NAV3: variants seen among roughly 807,000 people sequenced by gnomAD.
The protein encoded by NAV3 is neuron navigator 3.
A neutral mutation model predicts 244.7 loss-of-function variants in NAV3; 87 were observed. The observed-to-expected ratio is 0.36, with a 90% CI of 0.30 to 0.42. The LOEUF (loss-of-function observed/expected upper bound fraction) is 0.42. Among genes scored for constraint, NAV3 ranks in the 20% least tolerant of loss-of-function variants. The pLI is 1.00. For missense variants in NAV3, 2,663 were observed against 2,893.3 expected (o/e 0.92, Z 1.83); for synonymous variants, 1,126 against 1,042.2 (o/e 1.08, Z -1.55).
At chr12:78,206,492 G>GAACAAA (rs1960319961) in intron 39 of NAV3, among the ~76,000 whole-genome samples, 4 of 152,138 alleles carry the variant, frequency 2.6e-5, no homozygotes. Flanking sequence ...AAGGAGAGGT[G>GAACAAA]TTTATAAGAT....
At position 77,899,211 on chromosome 12, in the gene NAV3, A is replaced by G. The variant is rs1449232760; in HGVS notation, c.244-41108A>G. On this transcript the variant is annotated intron_variant, in intron 1 of 39. Coordinates refer to ENST00000397909, the MANE Select transcript of NAV3 (RefSeq NM_001024383.2). ...TGACAAAAAGGATTTACAGTATTAT[A>G]TAACTTAGTTGATAAAGCAGCAGCA... 2.6e-5 allele frequency among the ~76,000 whole-genome samples: 4 copies of G among 152,250 alleles called. No individual in the cohort carries two copies. In the East Asian group the frequency reaches 5.8e-4, roughly 22 times the overall value.
At chr12:77,630,004 G>A (rs1413456447) in intron 2 of NAV3, among the ~76,000 whole-genome samples, 1 of 152,178 alleles carries the variant, frequency 6.6e-6, no homozygotes, top group African/African-American at 2.4e-5. Context: ...GTCAATGAAT[G>A]GCAACAATTG....
At chr12:78,047,464 G>A (rs904373938) in intron 9 of NAV3, among the ~76,000 whole-genome samples, 1 of 152,108 alleles carries the variant, frequency 6.6e-6, no homozygotes, top group Non-Finnish European at 1.5e-5. Flanking sequence ...TCCAGCCTGG[G>A]TGACAGAGCA....
intron 23 of NAV3, among the ~76,000 whole-genome samples, chr12:78,164,723 T>C (rs2139487866): frequency 6.6e-6 from 1 of 152,084 alleles, no homozygotes; most frequent in South Asian, 2.1e-4. Context: ...TTCAGATGCA[T>C]GGTGGAGTGG....
upstream of NAV3, among the ~76,000 whole-genome samples, chr12:77,829,179 G>T (rs891019678): frequency 2.0e-5 from 3 of 152,216 alleles, no homozygotes; most frequent in African/African-American, 7.2e-5. Context: ...AATATTTGCA[G>T]TTGCCCTGAC....
At chr12:78,206,045 C>A (rs1960266545) in intron 39 of NAV3, among the ~76,000 whole-genome samples, 1 of 152,104 alleles carries the variant, frequency 6.6e-6, no homozygotes, top group Non-Finnish European at 1.5e-5. Context: ...ATCATCTCAG[C>A]TGAACATTTT....
At chr12:77,758,171 A>G (rs1221815650) in intron 2 of NAV3, among the ~76,000 whole-genome samples, 2 of 152,178 alleles carry the variant, frequency 1.3e-5, no homozygotes, top group East Asian at 3.8e-4. Flanking sequence ...GCCTGTGACC[A>G]TTCTACTTAA....
At chr12:78,041,003 A>G (rs951095147) in intron 9 of NAV3, among the ~76,000 whole-genome samples, 2 of 152,196 alleles carry the variant, frequency 1.3e-5, no homozygotes, top group Admixed American at 6.5e-5. Flanking sequence ...TGGAAGTGAA[A>G]GATAGAATTC....
At chr12:77,836,151 C>T (rs550434960) in intron 1 of NAV3, among the ~76,000 whole-genome samples, 1 of 152,168 alleles carries the variant, frequency 6.6e-6, no homozygotes. Flanking sequence ...TGCCTTGGAA[C>T]CTTTACTTAA....
chr12:77,902,399 A>C (rs948204281), intron 1 of NAV3, among the ~76,000 whole-genome samples: 1 of 152,190 alleles, frequency 6.6e-6, no homozygotes, highest in African/African-American at 2.4e-5. Context: ...CATCCCATCA[A>C]TACCTAATTT....
At chr12:77,768,879 G>A (rs1373908365) in intron 2 of NAV3, among the ~76,000 whole-genome samples, 1 of 152,226 alleles carries the variant, frequency 6.6e-6, no homozygotes, top group Non-Finnish European at 1.5e-5. Context: ...AGCTGCTCCA[G>A]ATGAGCCACT....
In NAV3 at chr12:78,006,763, G is replaced by A. The variant is rs755907283; in HGVS notation, c.1225G>A (p.Asp409Asn). ...PPQPPSSGPS[D>N]GGKDDDAFSE... ...GCAGCCTCCCAGTTCAGGACCTAGTGATGGTGGGAAGGATGATGATGCCTT... is the reference window on the plus strand; with the variant it reads ...GCAGCCTCCCAGTTCAGGACCTAGTAATGGTGGGAAGGATGATGATGCCTT... Residue 409 changes from aspartate (D) to asparagine (N), a missense_variant, in exon 8 of 40, where the codon GAT becomes AAT. Transcript: ENST00000397909. 6.2e-7 allele frequency: 1 copy of A among 1,614,166 alleles called. No homozygotes were observed. The highest frequency in any genetic ancestry group is 8.5e-7 in the Non-Finnish European group (1 of 1,180,012).
chr12:77,665,702 G>A (rs1441445770), intron 2 of NAV3, among the ~76,000 whole-genome samples: 1 of 152,062 alleles, frequency 6.6e-6, no homozygotes, highest in East Asian at 1.9e-4. Context: ...AACACTAGAA[G>A]TATACATGAT....
chr12:77,911,034 G>A (rs184716887), intron 1 of NAV3, among the ~76,000 whole-genome samples: 3 of 152,070 alleles, frequency 2.0e-5, no homozygotes, highest in Admixed American at 1.3e-4. Flanking sequence ...TACCTCAACC[G>A]GCCAGGATGG....
intron 9 of NAV3, among the ~76,000 whole-genome samples, chr12:78,025,458 C>T (rs561874635): frequency 1.1e-3 from 170 of 151,518 alleles, no homozygotes; most frequent in African/African-American, 3.9e-3. Context: ...TAGCCGGCTG[C>T]GGTGGCAGAC....
intron 2 of NAV3, among the ~76,000 whole-genome samples, chr12:77,728,344 T>C (rs1264874061): frequency 1.3e-5 from 2 of 151,992 alleles, no homozygotes; most frequent in Non-Finnish European, 1.5e-5. Context: ...ATGGGTAGAC[T>C]TGTGTTTAAG....
At position 77,661,812 on chromosome 12, in the gene NAV3, T is replaced by C. The variant is rs76077403; in HGVS notation, c.72+89546T>C. Among the ~76,000 whole-genome samples the C allele has an allele frequency of 1.1e-3, 163 of 152,196 alleles. 1 individual carries two copies. Among genetic ancestry groups the C allele is most frequent in the African/African-American group, 3.5e-3 (145 of 41,562 alleles). ...ATTGAAAAGGCATTCCTTGTTCTCA[T>C]TGAGTTGCCTTGCACCTTTATAAAA... On this transcript the variant is annotated intron_variant, in intron 2 of 8. Transcript: ENST00000550042.
At chr12:78,181,455 G>T (rs1049384212) in intron 30 of NAV3, among the ~76,000 whole-genome samples, 1 of 152,146 alleles carries the variant, frequency 6.6e-6, no homozygotes, top group African/African-American at 2.4e-5. Context: ...CCTGTGTGAT[G>T]CTGCTCTGAG....
chr12:77,740,836 G>A (rs565559643), intron 2 of NAV3, among the ~76,000 whole-genome samples: 1 of 152,182 alleles, frequency 6.6e-6, no homozygotes, highest in East Asian at 1.9e-4. Context: ...CTTGGGTGAT[G>A]AATTAGAAGT....
Sources: gnomAD v4.1 joint callset for allele counts (sites outside exome capture counted in the v4.1 genomes callset) on GRCh38, gnomAD v4.1.1 for gene constraint, MANE v1.5 for transcripts, NCBI Gene and HGNC (gene_info 2026-07-23, HGNC 2026-07-21) for gene names.